Variants in LSAMP observed in about 807,000 individuals in gnomAD.
LSAMP encodes the protein limbic system-associated membrane protein.
Under a neutral mutation model 38.6 loss-of-function variants are expected in LSAMP, and 7 were observed. The ratio of observed to expected loss-of-function variants is 0.18; its 90% CI spans 0.10 to 0.34. The LOEUF is 0.34. Ranked by LOEUF, LSAMP falls within the 10% of genes least tolerant of loss-of-function variation. The pLI, the probability that LSAMP is intolerant of heterozygous loss-of-function variation, is 1.00. For missense variants in LSAMP, 313 were observed against 420.0 expected (o/e 0.75, Z 2.23); for synonymous variants, 154 against 166.8 (o/e 0.92, Z 0.59).
chr3:116,385,113 A>C (rs1003990971), intron 1 of LSAMP, among the ~76,000 whole-genome samples: 37 of 151,382 alleles, frequency 2.4e-4, no homozygotes, highest in Non-Finnish European at 4.0e-4. Context: ...AAAAAAAAAA[A>C]CACAAAACCA....
intron 3 of LSAMP, among the ~76,000 whole-genome samples, chr3:115,917,460 C>T (rs879893550): frequency 2.0e-5 from 3 of 152,150 alleles, no homozygotes; most frequent in Non-Finnish European, 4.4e-5. Flanking sequence ...CATTACCACC[C>T]CTGATTCCTT....
chr3:116,318,641 G>T (rs2047666000), intron 1 of LSAMP, among the ~76,000 whole-genome samples: 1 of 152,122 alleles, frequency 6.6e-6, no homozygotes, highest in South Asian at 2.1e-4. Context: ...ACATAACGCA[G>T]CTAGCATTCA....
At chr3:116,419,620 C>CT (rs996563048) in intron 1 of LSAMP, among the ~76,000 whole-genome samples, 6 of 151,996 alleles carry the variant, frequency 3.9e-5, no homozygotes, top group Non-Finnish European at 7.4e-5. Flanking sequence ...AAGCAGTAAT[C>CT]TTTTTTTAAA....
chr3:115,876,531 A>G (rs1464140), intron 3 of LSAMP, among the ~76,000 whole-genome samples: 42,792 of 151,498 alleles, frequency 0.28, 6,643 homozygotes, highest in African/African-American at 0.39. Flanking sequence ...TTACTCTTTT[A>G]CTCCACTGAT....
intron 3 of LSAMP, among the ~76,000 whole-genome samples, chr3:115,919,343 A>G (rs991022198): frequency 1.3e-5 from 2 of 152,194 alleles, no homozygotes; most frequent in Admixed American, 1.3e-4. Context: ...AGATTTAATA[A>G]CTAGATAGCT....
intron 1 of LSAMP, among the ~76,000 whole-genome samples, chr3:116,348,012 A>G (rs556475016): frequency 6.6e-6 from 1 of 152,078 alleles, no homozygotes; most frequent in South Asian, 2.1e-4. Flanking sequence ...TAGAGTGACT[A>G]TACATCTCTG....
intron 1 of LSAMP, among the ~76,000 whole-genome samples, chr3:116,406,317 T>C (rs1353920290): frequency 6.6e-6 from 1 of 152,086 alleles, no homozygotes; most frequent in African/African-American, 2.4e-5. Context: ...AATCATACCA[T>C]AGATATAGGT....
intron 3 of LSAMP, among the ~76,000 whole-genome samples, chr3:115,884,601 C>T (rs1936404575): frequency 6.6e-6 from 1 of 151,982 alleles, no homozygotes; most frequent in Non-Finnish European, 1.5e-5. Flanking sequence ...TAGAAGATGA[C>T]TACGGAGGGC....
At chr3:116,225,620 A>G (rs2046334145) in intron 1 of LSAMP, among the ~76,000 whole-genome samples, 1 of 152,218 alleles carries the variant, frequency 6.6e-6, no homozygotes, top group Admixed American at 6.5e-5. Context: ...GTTGACATTC[A>G]AAATTTGACT....
At chr3:116,404,572 C>T (rs1331114208) in intron 1 of LSAMP, among the ~76,000 whole-genome samples, 5 of 151,868 alleles carry the variant, frequency 3.3e-5, no homozygotes, top group Non-Finnish European at 5.9e-5. Flanking sequence ...GTAAATAAGT[C>T]GTAAAGTCAA....
chr3:116,275,690 T>C (rs937910749), intron 1 of LSAMP, among the ~76,000 whole-genome samples: 34 of 152,186 alleles, frequency 2.2e-4, no homozygotes, highest in African/African-American at 7.7e-4. Context: ...ATTCAAAATC[T>C]GCTTCTCAAG....
intron 1 of LSAMP, among the ~76,000 whole-genome samples, chr3:116,109,441 C>T (rs1016442919): frequency 1.7e-4 from 26 of 151,774 alleles, no homozygotes; most frequent in Middle Eastern, 3.4e-3. Flanking sequence ...GGGACTGAGG[C>T]GACAGGCGGG....
intron 3 of LSAMP, among the ~76,000 whole-genome samples, chr3:116,002,199 C>T (rs2107660638): frequency 6.6e-6 from 1 of 152,224 alleles, no homozygotes; most frequent in East Asian, 1.9e-4. Context: ...GAGACAGGCT[C>T]CCCTGGCAAT....
rs560788227 is a variant in LSAMP, at chr3:115,966,865, T to C, written c.514+52650A>G. The stretch of plus-strand genomic sequence containing the variant: ...ATAAGCCTAAATTTCAGGATAGTGA[T>C]TAATAAAATAGAACCTTATCAATAT... On this transcript the variant is annotated intron_variant, in intron 3 of 6. Coordinates refer to ENST00000490035, the MANE Select transcript of LSAMP (RefSeq NM_002338.5). Among the ~76,000 whole-genome samples, 3 of 152,344 alleles carry C rather than the reference T, an allele frequency of 2.0e-5. No homozygotes were observed. In the East Asian group the frequency reaches 5.8e-4, roughly 29 times the overall value.
chr3:116,046,925 T>C (rs1446475560), intron 2 of LSAMP, among the ~76,000 whole-genome samples: 1 of 152,180 alleles, frequency 6.6e-6, no homozygotes, highest in African/African-American at 2.4e-5. Context: ...GGCTCACTCA[T>C]ACCCAGTCAG....
chr3:115,810,950 A>T (rs1435823367), intron 6 of LSAMP, among the ~76,000 whole-genome samples: 2 of 152,240 alleles, frequency 1.3e-5, no homozygotes, highest in African/African-American at 4.8e-5. Flanking sequence ...AGTAATGCTT[A>T]TGGCTAGATG....
At chr3:116,208,417 C>T (rs536155175) in intron 1 of LSAMP, among the ~76,000 whole-genome samples, 9 of 152,258 alleles carry the variant, frequency 5.9e-5, no homozygotes, top group South Asian at 2.1e-4. Flanking sequence ...AGTCATTCTC[C>T]GTCTAGCTTT....
At chr3:116,170,812 C>A (rs1710178849) in intron 1 of LSAMP, among the ~76,000 whole-genome samples, 1 of 151,998 alleles carries the variant, frequency 6.6e-6, no homozygotes, top group Non-Finnish European at 1.5e-5. Flanking sequence ...CTTTTATTAT[C>A]TCACATAATA....
At chr3:115,928,130 A>G (rs185390771) in intron 3 of LSAMP, among the ~76,000 whole-genome samples, 1 of 152,338 alleles carries the variant, frequency 6.6e-6, no homozygotes, top group East Asian at 1.9e-4. Flanking sequence ...TGAATAAGTG[A>G]TATATCAAAA....
Sources: gnomAD v4.1 joint callset for allele counts (sites outside exome capture counted in the v4.1 genomes callset) on GRCh38, gnomAD v4.1.1 for gene constraint, MANE v1.5 for transcripts, NCBI Gene and HGNC (gene_info 2026-07-23, HGNC 2026-07-21) for gene names.